The following ZHX3 variants were observed in gnomAD, a reference collection of about 807,000 sequenced individuals.
ZHX3 encodes the protein zinc fingers and homeoboxes protein 3.
Under a neutral mutation model 64.5 loss-of-function variants are expected in ZHX3, and 20 were observed. The observed-to-expected ratio is 0.31, with a 90% CI of 0.22 to 0.45. The LOEUF (loss-of-function observed/expected upper bound fraction) is 0.45. Ranked by LOEUF, ZHX3 falls within the 20% of genes least tolerant of loss-of-function variation. The pLI is 1.00. For missense variants in ZHX3, 1,041 were observed against 1,195.8 expected, an observed-to-expected ratio of 0.87 and a Z score of 1.91; for synonymous variants, 423 against 461.6, an observed-to-expected ratio of 0.92 and a Z score of 1.07.
intron 2 of ZHX3, among the ~76,000 whole-genome samples, chr20:41,239,987 C>T (rs543873928): frequency 5.9e-5 from 9 of 151,888 alleles, no homozygotes; most frequent in South Asian, 2.1e-4. Flanking sequence ...TGCAGTCACA[C>T]TCAATAGGCC....
chr20:41,189,080 C>A (rs1337947554), intron 3 of ZHX3, among the ~76,000 whole-genome samples: 14 of 152,212 alleles, frequency 9.2e-5, no homozygotes, highest in Admixed American at 8.5e-4. Context: ...TTCCCAGCAT[C>A]ATTTATTGAA....
chr20:41,193,679 T>C (rs1236248763), intron 3 of ZHX3, among the ~76,000 whole-genome samples: 1 of 150,840 alleles, frequency 6.6e-6, no homozygotes, highest in Non-Finnish European at 1.5e-5. Flanking sequence ...TGTGTGTGGA[T>C]TCAAGTTTTT....
rs139757696 is a variant in ZHX3, at chr20:41,309,724, C to A, written c.-245+7785G>T. Among the ~76,000 whole-genome samples the A allele has an allele frequency of 6.8e-3, 1,040 of 152,318 alleles. 8 individuals carry two copies. Among genetic ancestry groups the A allele is most frequent in the Non-Finnish European group, 8.9e-3 (603 of 68,020 alleles). On this transcript the variant is annotated intron_variant, in intron 1 of 3. Coordinates refer to ENST00000683867, the MANE Select transcript of ZHX3 (RefSeq NM_001384317.1). ...CTCATTGCTGGGATCTCCAACCCCA[C>A]CCCATTTGCTGAAGATTCGGCCCAC...
intron 2 of ZHX3, among the ~76,000 whole-genome samples, chr20:41,225,243 A>C (rs1188338511): frequency 6.6e-6 from 1 of 152,166 alleles, no homozygotes; most frequent in African/African-American, 2.4e-5. Flanking sequence ...CGGTGAATTG[A>C]TAGGAAGTAC....
At chr20:41,244,461 A>C (rs1341308984) in intron 2 of ZHX3, among the ~76,000 whole-genome samples, 1 of 152,196 alleles carries the variant, frequency 6.6e-6, no homozygotes, top group African/African-American at 2.4e-5. Context: ...ACTTGAGCCC[A>C]GGAGTTCAAG....
intron 1 of ZHX3, chr20:41,317,098 C>G (rs1287914480): frequency 6.6e-6 from 1 of 152,526 alleles, no homozygotes; most frequent in Non-Finnish European, 1.5e-5. Context: ...ACGCGGAACG[C>G]ACACTCGGGC....
chr20:41,283,477 G>A (rs2146701296), intron 1 of ZHX3, among the ~76,000 whole-genome samples: 1 of 152,204 alleles, frequency 6.6e-6, no homozygotes, highest in South Asian at 2.1e-4. Context: ...ACTTTTATCG[G>A]GCCAGGTGTG....
intron 1 of ZHX3, among the ~76,000 whole-genome samples, chr20:41,295,903 A>G (rs1181750793): frequency 2.1e-4 from 32 of 152,184 alleles, no homozygotes; most frequent in Admixed American, 2.1e-3. Flanking sequence ...TTACAAGTGT[A>G]AGAATTTGTA....
At chr20:41,315,346 CTTTTTTTT>C (rs11471425) in intron 1 of ZHX3, among the ~76,000 whole-genome samples, 5 of 56,058 alleles carry the variant, frequency 8.9e-5, no homozygotes, top group South Asian at 6.9e-4. Context: ...CCAGGCCTGG[CTTTTTTTT>C]TTTTTTTTTT....
chr20:41,185,254 C>A lies in ZHX3; in HGVS notation c.2861-53G>T. ...CTACGGCAGCTGCCACCACCTGCCCCCCAGGCAGCCTGGTCCTTGCTATAC... is the reference window on the plus strand; with the variant it reads ...CTACGGCAGCTGCCACCACCTGCCCACCAGGCAGCCTGGTCCTTGCTATAC... On this transcript the variant is annotated intron_variant, in intron 3 of 3. Transcript: ENST00000683867. The surrounding 1 kb of genome is among the most constrained non-coding windows in gnomAD (Gnocchi z 5.0). The A allele has an allele frequency of 1.3e-6, 2 of 1,556,076 alleles. No homozygotes were observed. The highest frequency in any genetic ancestry group is 2.3e-5 in the East Asian group (1 of 44,142).
chr20:41,189,674 G>A (rs549620869), intron 3 of ZHX3, among the ~76,000 whole-genome samples: 7 of 152,142 alleles, frequency 4.6e-5, no homozygotes, highest in South Asian at 2.1e-4. Context: ...ATTTTTGTAC[G>A]TTAACTTTAT....
intron 1 of ZHX3, among the ~76,000 whole-genome samples, chr20:41,315,555 G>A (rs2045266185): frequency 6.6e-6 from 1 of 151,974 alleles, no homozygotes; most frequent in African/African-American, 2.4e-5. Flanking sequence ...AAGAGGGTTA[G>A]CCTGGCAGGC....
rs1365391122 is a variant in ZHX3 at position 41,203,647 on chromosome 20, C to T, written c.1270G>A (p.Gly424Arg). The T allele has an allele frequency of 2.5e-6, 4 of 1,614,046 alleles. No individual in the cohort carries two copies. The highest frequency in any genetic ancestry group is 2.7e-5 in the African/African-American group (2 of 74,918). The change falls in exon 3 of 4, where the codon GGA becomes AGA. Residue 424 changes from glycine (G) to arginine (R), a missense_variant. Gly to Arg is a moderately radical substitution (Grantham distance 125). Around this residue, in one of 4 missense-constraint regions of ZHX3, gnomAD observed 649 missense variants for 739.8 expected, o/e 0.88. Transcript: ENST00000683867. The surrounding 1 kb of genome is among the most constrained non-coding windows in gnomAD (Gnocchi z 7.1). Reference protein sequence around the residue: ...VVGQPEGTGGGLLVTQPLMAN... With the variant: ...VVGQPEGTGGRLLVTQPLMAN... Reference sequence around the variant, plus strand: ...ATCAATGGCTGAGTGACCAGAAGTCCCCCTCCTGTACCCTCTGGCTGCCCC... The same window carrying T: ...ATCAATGGCTGAGTGACCAGAAGTCTCCCTCCTGTACCCTCTGGCTGCCCC...
chr20:41,181,495 T>C lies in ZHX3; in HGVS notation c.*3696A>G, dbSNP rs1164615936. 6.6e-6 allele frequency: 1 copy of C among 152,112 alleles called. No individual in the cohort carries two copies. The highest frequency in any genetic ancestry group is 2.4e-5 in the African/African-American group (1 of 41,400). 9.4% of individuals were successfully genotyped at this position (152,112 alleles called of 1,614,324 possible). ...GCCTTTATCCACTTGGGGTGTGATA[T>C]CTGAACTGAAAAAGCTGCACCAATC... On this transcript the variant is annotated 3_prime_UTR_variant, in exon 4 of 4. Transcript: ENST00000683867.
At chr20:41,263,176 A>G (rs900180153) in intron 2 of ZHX3, among the ~76,000 whole-genome samples, 3 of 152,188 alleles carry the variant, frequency 2.0e-5, no homozygotes, top group African/African-American at 7.2e-5. Context: ...ACCTTCAAAG[A>G]TAAGTTAAAC....
chr20:41,289,709 T>TA (rs2044129324), intron 1 of ZHX3, among the ~76,000 whole-genome samples: 1 of 151,600 alleles, frequency 6.6e-6, no homozygotes, highest in East Asian at 2.0e-4. Context: ...TTTTTTTTTT[T>TA]AACATAATCC....
chr20:41,273,084 G>A (rs2043222064), intron 1 of ZHX3, among the ~76,000 whole-genome samples: 1 of 152,142 alleles, frequency 6.6e-6, no homozygotes, highest in Non-Finnish European at 1.5e-5. Context: ...CTTAGTAGGT[G>A]TGAAATGGTA....
chr20:41,313,142 G>C (rs77371365), intron 1 of ZHX3, among the ~76,000 whole-genome samples: 16,675 of 152,204 alleles, frequency 0.11, 1,295 homozygotes, highest in Non-Finnish European at 0.16. Context: ...CCTGAACAAT[G>C]AATAGACAGT....
intron 1 of ZHX3, among the ~76,000 whole-genome samples, chr20:41,297,997 CA>C (rs1159956202): frequency 6.6e-6 from 1 of 152,162 alleles, no homozygotes; most frequent in Non-Finnish European, 1.5e-5. Context: ...GAGCTAAGGA[CA>C]GCCTTAGCTG....
Sources: gnomAD v4.1 joint callset for allele counts (sites outside exome capture counted in the v4.1 genomes callset) on GRCh38, gnomAD v4.1.1 for gene constraint, gnomAD v4.1.1 regional missense constraint, Gnocchi (gnomAD v3.1) non-coding constraint, MANE v1.5 for transcripts, NCBI Gene and HGNC (gene_info 2026-07-23, HGNC 2026-07-21) for gene names.